The following RBMS3 variants were observed in gnomAD, a reference collection of about 807,000 sequenced individuals.
The protein encoded by RBMS3 is RNA-binding motif, single-stranded-interacting protein 3.
RBMS3 carries 27 observed loss-of-function variants against 66.8 expected under a neutral mutation model. The ratio of observed to expected loss-of-function variants is 0.40; its 90% confidence interval spans 0.30 to 0.56. The LOEUF is 0.56. RBMS3 is among the 20% of genes least tolerant of loss of function. RBMS3 has a pLI of 0.40. For synonymous variants in RBMS3, 188 were observed against 183.0 expected, an observed-to-expected ratio of 1.03 and a Z score of -0.22; for missense variants, 513 against 549.5, an observed-to-expected ratio of 0.93 and a Z score of 0.66.
chr3:29,940,905 A>G lies in RBMS3; in HGVS notation c.1051-3302A>G, dbSNP rs975409926. On this transcript the variant is annotated intron_variant, in intron 11 of 14. Coordinates refer to ENST00000383767, the MANE Select transcript of RBMS3 (RefSeq NM_001003793.3). ...TGATGGAACCAAAGCCCCATTATCC[A>G]TAACTTCTTATCACTTTATTGTAAG... 5.3e-5 allele frequency among the ~76,000 whole-genome samples: 8 copies of G among 151,856 alleles called. No individual in the cohort carries two copies. In the East Asian group the frequency reaches 1.5e-3, roughly 29 times the overall value.
At chr3:29,879,260 C>T (rs1330794873) in intron 7 of RBMS3, among the ~76,000 whole-genome samples, 1 of 152,052 alleles carries the variant, frequency 6.6e-6, no homozygotes, top group South Asian at 2.1e-4. Context: ...GAAATACTAG[C>T]AAATAAATAT....
rs376341596 is a variant in RBMS3, at chr3:29,380,420, G to A, written c.76-54323G>A. ...TTGATGTATACCAGTTGCAAAGCCAGCCATGTAAGTTAAAGTGGCATAATT... is the reference window on the plus strand; with the variant it reads ...TTGATGTATACCAGTTGCAAAGCCAACCATGTAAGTTAAAGTGGCATAATT... On this transcript the variant is annotated intron_variant, in intron 1 of 14. Transcript: ENST00000383767. Among the ~76,000 whole-genome samples the A allele has an allele frequency of 1.8e-4, 27 of 152,272 alleles. No individual in the cohort carries two copies. The South Asian group carries it at 5.2e-3, about 29-fold the overall frequency.
At chr3:29,879,247 G>A (rs879654400) in intron 7 of RBMS3, among the ~76,000 whole-genome samples, 2 of 152,110 alleles carry the variant, frequency 1.3e-5, no homozygotes, top group Non-Finnish European at 2.9e-5. Context: ...AGGTTTCTAA[G>A]TAGAAATACT....
At chr3:29,425,577 G>A (rs542832153) in intron 1 of RBMS3, among the ~76,000 whole-genome samples, 1 of 152,128 alleles carries the variant, frequency 6.6e-6, no homozygotes, top group African/African-American at 2.4e-5. Flanking sequence ...GGTGGAGGTT[G>A]CAGTGAGCCA....
intron 2 of RBMS3, among the ~76,000 whole-genome samples, chr3:29,465,582 CTGAGGG>C (rs377104519): frequency 3.3e-5 from 5 of 149,334 alleles, no homozygotes; most frequent in African/African-American, 1.2e-4. Context: ...AGCCCCTGAG[CTGAGGG>C]GTCTTTCAGA....
chr3:29,353,453 C>T (rs1228339236), intron 1 of RBMS3, among the ~76,000 whole-genome samples: 1 of 151,810 alleles, frequency 6.6e-6, no homozygotes, highest in African/African-American at 2.4e-5. Context: ...TCTTAAATAG[C>T]TATAAGCTAC....
intron 4 of RBMS3, among the ~76,000 whole-genome samples, chr3:29,653,566 G>A (rs1171863603): frequency 6.6e-6 from 1 of 152,034 alleles, no homozygotes; most frequent in African/African-American, 2.4e-5. Context: ...CCAGAGTGAG[G>A]ATGTGTATTT....
intron 6 of RBMS3, among the ~76,000 whole-genome samples, chr3:29,774,045 A>G (rs930304539): frequency 6.6e-6 from 1 of 152,018 alleles, no homozygotes; most frequent in African/African-American, 2.4e-5. Context: ...AACCCAAACT[A>G]AGGTATTATA....
intron 3 of RBMS3, among the ~76,000 whole-genome samples, chr3:29,583,601 A>C (rs2047406841): frequency 6.6e-6 from 1 of 152,156 alleles, no homozygotes; most frequent in African/African-American, 2.4e-5. Context: ...TTTTTCTTCC[A>C]GGTACAATGG....
At chr3:29,480,903 T>A (rs1465636908) in intron 2 of RBMS3, among the ~76,000 whole-genome samples, 1 of 151,958 alleles carries the variant, frequency 6.6e-6, no homozygotes, top group Non-Finnish European at 1.5e-5. Flanking sequence ...GAATACCAAT[T>A]GGGGAGAAAA....
At chr3:29,313,982 T>C (rs1003138829) in intron 1 of RBMS3, among the ~76,000 whole-genome samples, 1 of 151,742 alleles carries the variant, frequency 6.6e-6, no homozygotes, top group African/African-American at 2.4e-5. Context: ...CTTGCTGTTA[T>C]TGCTTATCAT....
intron 1 of RBMS3, among the ~76,000 whole-genome samples, chr3:29,284,010 A>G (rs1474077904): frequency 6.6e-6 from 1 of 152,172 alleles, no homozygotes; most frequent in Non-Finnish European, 1.5e-5. Context: ...TTTCAGTGTA[A>G]CAGGAAAACA....
At chr3:29,861,794 C>T (rs572295839) in intron 6 of RBMS3, among the ~76,000 whole-genome samples, 2 of 152,278 alleles carry the variant, frequency 1.3e-5, no homozygotes, top group African/African-American at 4.8e-5. Flanking sequence ...TAGAAATACT[C>T]CACTAAGCAA....
intron 6 of RBMS3, among the ~76,000 whole-genome samples, chr3:29,860,988 C>T (rs983976381): frequency 6.6e-6 from 1 of 152,118 alleles, no homozygotes; most frequent in African/African-American, 2.4e-5. Context: ...CTCAGCCTCC[C>T]GAGTAGCTGC....
chr3:29,397,329 T>C (rs923371055), intron 1 of RBMS3, among the ~76,000 whole-genome samples: 2 of 152,204 alleles, frequency 1.3e-5, no homozygotes, highest in Non-Finnish European at 2.9e-5. Flanking sequence ...CTGTAGTCTA[T>C]GATTGAATTT....
At chr3:29,845,606 T>G (rs183675586) in intron 6 of RBMS3, among the ~76,000 whole-genome samples, 1 of 152,320 alleles carries the variant, frequency 6.6e-6, no homozygotes, top group East Asian at 1.9e-4. Flanking sequence ...ATTCATTTGA[T>G]AGGTATTTAT....
intron 4 of RBMS3, among the ~76,000 whole-genome samples, chr3:29,692,050 C>T (rs1337123779): frequency 1.3e-5 from 2 of 149,380 alleles, no homozygotes; most frequent in Non-Finnish European, 3.0e-5. Context: ...CCTGGGATCT[C>T]GGCTCACTGC....
At chr3:29,787,611 A>G (rs78190112) in intron 6 of RBMS3, among the ~76,000 whole-genome samples, 3,742 of 152,254 alleles carry the variant, frequency 0.025, 74 homozygotes, top group East Asian at 0.13. Context: ...AACATTGTAT[A>G]TTCTCATATG....
intron 5 of RBMS3, among the ~76,000 whole-genome samples, chr3:29,760,633 C>G (rs2149380036): frequency 6.8e-6 from 1 of 147,764 alleles, no homozygotes; most frequent in African/African-American, 2.5e-5. Flanking sequence ...GAATTCTTTT[C>G]TTCCTGGAAA....
Sources: allele counts gnomAD v4.1 joint callset (sites outside exome capture counted in the v4.1 genomes callset), GRCh38; gene constraint gnomAD v4.1.1; transcripts MANE v1.5; gene names NCBI Gene and HGNC (gene_info 2026-07-23, HGNC 2026-07-21).